Variants in BACE2 observed in about 807,000 individuals in gnomAD.
BACE2 encodes the protein 56 kDa aspartic-like protease.
A neutral mutation model predicts 46.2 loss-of-function variants in BACE2; 17 were observed. That is an observed-to-expected ratio of 0.37 (90% CI 0.25 to 0.55). BACE2 has a LOEUF of 0.55. Ranked by LOEUF, BACE2 falls within the 20% of genes least tolerant of loss-of-function variation. The probability of loss-of-function intolerance (pLI) is 0.82; values close to 1 mark genes in which losing one functional copy is unlikely to be tolerated. For missense variants in BACE2, 595 were observed against 698.1 expected, an observed-to-expected ratio of 0.85 and a Z score of 1.66; for synonymous variants, 277 against 295.9, an observed-to-expected ratio of 0.94 and a Z score of 0.66.
At chr21:41,249,834 T>C (rs1157889382) in intron 6 of BACE2, among the ~76,000 whole-genome samples, 1 of 152,172 alleles carries the variant, frequency 6.6e-6, no homozygotes, top group Non-Finnish European at 1.5e-5. Flanking sequence ...GGCCTGCCTG[T>C]GAGGTCACAC....
chr21:41,229,455 CT>C (rs1986913893), intron 2 of BACE2, among the ~76,000 whole-genome samples: 1 of 152,204 alleles, frequency 6.6e-6, no homozygotes, highest in East Asian at 1.9e-4. Flanking sequence ...TGGATGGCTA[CT>C]TTTTTCATGG....
At chr21:41,231,336 G>T (rs903182767) in intron 2 of BACE2, among the ~76,000 whole-genome samples, 3 of 152,122 alleles carry the variant, frequency 2.0e-5, no homozygotes, top group African/African-American at 7.2e-5. Flanking sequence ...AATCACAGAA[G>T]ATTAAGAGGG....
chr21:41,224,556 GT>G (rs1986754399), intron 1 of BACE2, among the ~76,000 whole-genome samples: 1 of 152,138 alleles, frequency 6.6e-6, no homozygotes, highest in Admixed American at 6.5e-5. Context: ...TATCTACGTG[GT>G]CTGTGTTTAT....
At chr21:41,222,269 T>C (rs866932443) in intron 1 of BACE2, among the ~76,000 whole-genome samples, 3 of 152,180 alleles carry the variant, frequency 2.0e-5, no homozygotes, top group South Asian at 2.1e-4. Context: ...GTCACTGTTA[T>C]GTGAAAGGTG....
At chr21:41,207,224 T>C (rs887820608) in intron 1 of BACE2, among the ~76,000 whole-genome samples, 2 of 152,228 alleles carry the variant, frequency 1.3e-5, no homozygotes, top group South Asian at 4.1e-4. Flanking sequence ...TTAGGGGTTC[T>C]TTCGGAGTGG....
At chr21:41,191,464 C>A (rs951925718) in intron 1 of BACE2, among the ~76,000 whole-genome samples, 2 of 152,192 alleles carry the variant, frequency 1.3e-5, no homozygotes, top group Admixed American at 6.5e-5. Context: ...GCAGGATAGG[C>A]AAACCCATAT....
At chr21:41,202,839 C>T (rs2065603466) in intron 1 of BACE2, among the ~76,000 whole-genome samples, 1 of 152,178 alleles carries the variant, frequency 6.6e-6, no homozygotes, top group Admixed American at 6.5e-5. Context: ...AGGCACCATT[C>T]TCTGGGCTGG....
At chr21:41,191,402 G>T (rs28860539) in intron 1 of BACE2, among the ~76,000 whole-genome samples, 8,392 of 152,266 alleles carry the variant, frequency 0.055, 724 homozygotes, top group African/African-American at 0.19. Context: ...CATGACGGTG[G>T]ATAATGTATT....
intron 1 of BACE2, among the ~76,000 whole-genome samples, chr21:41,201,180 A>T (rs1601260707): frequency 6.6e-6 from 1 of 152,236 alleles, no homozygotes; most frequent in Non-Finnish European, 1.5e-5. Flanking sequence ...TGGACCATGC[A>T]AAATGTTTAT....
intron 6 of BACE2, among the ~76,000 whole-genome samples, chr21:41,249,947 G>C (rs933310257): frequency 6.6e-6 from 1 of 152,116 alleles, no homozygotes; most frequent in Non-Finnish European, 1.5e-5. Flanking sequence ...CTGTGTTGCC[G>C]GCCACCTTTT....
In BACE2 at chr21:41,196,327, AAGAG is replaced by A. The variant is rs565424851; in HGVS notation, c.312+27764_312+27767del. Among the ~76,000 whole-genome samples the A allele has an allele frequency of 1.1e-3, 172 of 151,536 alleles. 5 individuals carry two copies. In the South Asian group the frequency reaches 0.03, roughly 26 times the overall value. ...CAAAAAACAAAACCAAAAAAAAAAA[AAGAG>A]AGAGAGAGAGAAATCCAATTCTGGA... On this transcript the variant is annotated intron_variant, in intron 1 of 8. Transcript: ENST00000330333.
rs1206855503 is a variant in BACE2 at position 41,275,775 on chromosome 21, T to C, written c.*151T>C. 3 of 860,760 alleles carry C rather than the reference T, an allele frequency of 3.5e-6. No individual in the cohort carries two copies. In the African/African-American group the frequency reaches 5.1e-5, roughly 15 times the overall value. The allele number at this position is 860,760 out of a possible 1,614,324, so 53.3% of individuals were successfully genotyped here. On this transcript the variant is annotated 3_prime_UTR_variant, in exon 9 of 9. Transcript: ENST00000330333. ...TCCCAGATGCCTTCTAGATTCACTG[T>C]CTTTTGATTCTTGATTTTCAAGCTT... is the stretch of plus-strand genomic sequence containing the variant.
At chr21:41,208,024 A>G (rs1986182495) in intron 1 of BACE2, among the ~76,000 whole-genome samples, 1 of 152,126 alleles carries the variant, frequency 6.6e-6, no homozygotes, top group African/African-American at 2.4e-5. Flanking sequence ...GCCCTAAACC[A>G]AGCTCATACC....
intron 2 of BACE2, among the ~76,000 whole-genome samples, chr21:41,236,162 A>G (rs1017408435): frequency 2.6e-5 from 4 of 152,192 alleles, no homozygotes; most frequent in Non-Finnish European, 5.9e-5. Flanking sequence ...CCTATATTCC[A>G]GCAGTTTTCA....
At chr21:41,236,309 G>A (rs1489591083) in intron 2 of BACE2, among the ~76,000 whole-genome samples, 1 of 152,144 alleles carries the variant, frequency 6.6e-6, no homozygotes, top group Non-Finnish European at 1.5e-5. Flanking sequence ...ATGCAAACAT[G>A]GTTGGATCCA....
intron 7 of BACE2, among the ~76,000 whole-genome samples, chr21:41,251,817 C>A (rs368352785): frequency 0.01 from 1,520 of 151,822 alleles, 27 homozygotes; most frequent in African/African-American, 0.034. Context: ...AAACAAAAAA[C>A]AAAAAAGAAA....
chr21:41,235,165 C>T (rs1375186673), intron 2 of BACE2, among the ~76,000 whole-genome samples: 1 of 152,210 alleles, frequency 6.6e-6, no homozygotes, highest in Non-Finnish European at 1.5e-5. Context: ...CACCTCCAAT[C>T]CTGCCACCCC....
chr21:41,242,063 T>A (rs1037297521), intron 4 of BACE2, 116 bp downstream of exon 4: 6 of 1,368,152 alleles, frequency 4.4e-6, no homozygotes, highest in Non-Finnish European at 6.0e-6. Context: ...GTAGGTACTG[T>A]AAAACTTTCA....
At chr21:41,174,376 A>C (rs1475761072) in intron 1 of BACE2, among the ~76,000 whole-genome samples, 2 of 151,638 alleles carry the variant, frequency 1.3e-5, no homozygotes, top group African/African-American at 4.9e-5. Flanking sequence ...CTCTTGACCT[A>C]GTGATCTGCC....
Sources: gnomAD v4.1 joint callset for allele counts (sites outside exome capture counted in the v4.1 genomes callset) on GRCh38, gnomAD v4.1.1 for gene constraint, MANE v1.5 for transcripts, NCBI Gene and HGNC (gene_info 2026-07-23, HGNC 2026-07-21) for gene names.